FANCI: variants seen among roughly 807,000 people sequenced by gnomAD.
FANCI encodes the protein FA complementation group I, also known as Fanconi anemia group I protein.
FANCI carries 156 observed loss-of-function variants against 176.1 expected under a neutral mutation model. The ratio of observed to expected loss-of-function variants is 0.89; its 90% CI spans 0.78 to 1.01. The LOEUF (loss-of-function observed/expected upper bound fraction) is 1.01. FANCI is among the 50% of genes least tolerant of loss of function. The pLI is 0.00. For synonymous variants in FANCI, 613 were observed against 541.7 expected (o/e 1.13, Z -1.83); for missense variants, 1,678 against 1,534.1 (o/e 1.09, Z -1.57).
intron 4 of FANCI, among the ~76,000 whole-genome samples, chr15:89,261,371 A>G (rs1162209653): frequency 2.0e-5 from 3 of 152,250 alleles, no homozygotes; most frequent in African/African-American, 7.2e-5. Flanking sequence ...CATATCTGAA[A>G]ACATCAGGGA....
chr15:89,307,371 T>C, intron 32 of FANCI, 105 bp from the exon 33 acceptor site: 1 of 1,168,322 alleles, frequency 8.6e-7, no homozygotes, highest in Non-Finnish European at 1.2e-6. Flanking sequence ...AATTTTGTTT[T>C]TCCTCTTCAG....
intron 35 of FANCI, among the ~76,000 whole-genome samples, 173 bp downstream of exon 35, chr15:89,313,145 G>A (rs2055036669): frequency 6.6e-6 from 1 of 151,576 alleles, no homozygotes; most frequent in Non-Finnish European, 1.5e-5. Flanking sequence ...GAGCTAGGTG[G>A]GTTGGAAGAT....
At position 89,313,059 on chromosome 15, in the gene FANCI, G is replaced by A. The variant is rs528982298; in HGVS notation, c.3720+87G>A. The A allele has an allele frequency of 9.1e-5, 112 of 1,232,744 alleles. No individual in the cohort carries two copies. The African/African-American group carries it at 1.3e-3, about 14-fold the overall frequency. The allele number at this position is 1,232,744 out of a possible 1,614,324, so 76.4% of individuals were successfully genotyped here. ...AAGAAGCCAGTGACAAAAAGACCAC[G>A]TGTTGTATGATTCCATTTTCATGAA... On this transcript the variant is annotated intron_variant, in intron 35 of 37. Transcript: ENST00000310775.
chr15:89,286,679 T>G (rs1011258094), intron 18 of FANCI, among the ~76,000 whole-genome samples: 2 of 152,216 alleles, frequency 1.3e-5, no homozygotes, highest in African/African-American at 4.8e-5. Flanking sequence ...AGAGTAGATG[T>G]AGCATAATTC....
Position 89,273,380 on chromosome 15 carries a change from G to C in FANCI, c.886G>C (p.Gly296Arg), listed in dbSNP as rs754986558. The part of the protein sequence containing the change: ...GRELVKHLKV[G>R]QQGDSNNNLS... ...CCTTTTGGTTGCTCTCTTCTAGGTA[G>C]GACAGCAAGGAGATTCCAATAATAA... is the stretch of plus-strand genomic sequence containing the variant. Residue 296 changes from glycine to arginine, a missense_variant, in exon 11 of 38, where the codon GGA becomes CGA. This residue lies in a region of FANCI where 469 missense variants were observed against 436.9 expected (regional missense o/e 1.07). Coordinates refer to ENST00000310775, the MANE Select transcript of FANCI (RefSeq NM_001113378.2). 10 of 1,562,108 alleles carry C rather than the reference G, an allele frequency of 6.4e-6. No individual in the cohort carries two copies. In the South Asian group the frequency reaches 1.1e-4, roughly 18 times the overall value.
chr15:89,251,293 T>C (rs566386107), intron 2 of FANCI, among the ~76,000 whole-genome samples: 1 of 152,142 alleles, frequency 6.6e-6, no homozygotes, highest in African/African-American at 2.4e-5. Flanking sequence ...CCAGTTTCCA[T>C]AGAAGAAAAG....
intron 27 of FANCI, among the ~76,000 whole-genome samples, chr15:89,302,949 G>A (rs2054581162): frequency 1.3e-5 from 2 of 152,096 alleles, no homozygotes; most frequent in Non-Finnish European, 2.9e-5. Context: ...AGAGATTTAT[G>A]GTAAATGGTG....
In FANCI at chr15:89,274,420, G is replaced by A. The variant is rs770087749; in HGVS notation, c.1112+116G>A. The A allele has an allele frequency of 4.2e-5, 48 of 1,133,170 alleles. No individual in the cohort carries two copies. The East Asian group carries it at 4.7e-4, about 11-fold the overall frequency. The allele number at this position is 1,133,170 out of a possible 1,614,324, so 70.2% of individuals were successfully genotyped here. ...AACTGATGACTTAACAGCTGTTGAC[G>A]TCACACATCGAGGTTCATTTTCTTA... On this transcript the variant is annotated intron_variant, in intron 12 of 37. Transcript: ENST00000310775.
intron 34 of FANCI, among the ~76,000 whole-genome samples, chr15:89,312,401 A>G (rs2054999900): frequency 6.6e-6 from 1 of 152,252 alleles, no homozygotes. Context: ...AACAACTAAA[A>G]AAGAAAAAAT....
At chr15:89,273,310 TAAAAAAAAA>T (rs59945953) in intron 10 of FANCI, 58 bp from the exon 11 acceptor site, 2 of 597,630 alleles carry the variant, frequency 3.3e-6, no homozygotes, top group South Asian at 1.8e-5. Context: ...TTTTTTTTTT[TAAAAAAAAA>T]AAAAAAAGAA....
intron 32 of FANCI, among the ~76,000 whole-genome samples, chr15:89,307,077 G>A (rs2054751063): frequency 6.6e-6 from 1 of 152,128 alleles, no homozygotes; most frequent in African/African-American, 2.4e-5. Context: ...AGAAAGATGT[G>A]GACCACCCCG....
chr15:89,279,412 C>G (rs2151521397), intron 14 of FANCI, among the ~76,000 whole-genome samples: 1 of 152,342 alleles, frequency 6.6e-6, no homozygotes, highest in Non-Finnish European at 1.5e-5. Flanking sequence ...CCCACCTTAG[C>G]TTCCCAAAGT....
intron 10 of FANCI, 138 bp from the exon 11 acceptor site, chr15:89,273,239 G>A (rs1184121148): frequency 2.2e-5 from 13 of 604,526 alleles, no homozygotes; most frequent in East Asian, 1.2e-4. Flanking sequence ...GGGAAATCAA[G>A]GCTGCAGTGA....
chr15:89,285,389 T>C (rs2053774739), intron 18 of FANCI, among the ~76,000 whole-genome samples, 171 bp downstream of exon 18: 1 of 152,194 alleles, frequency 6.6e-6, no homozygotes, highest in African/African-American at 2.4e-5. Context: ...GCACAGTGGC[T>C]CACACCTGTA....
At chr15:89,299,742 TGTTA>T (rs1406135735) in intron 24 of FANCI, 54 bp from the exon 25 acceptor site, 1 of 1,569,330 alleles carries the variant, frequency 6.4e-7, no homozygotes, top group Admixed American at 1.7e-5. Flanking sequence ...TTTTACTGTT[TGTTA>T]TTTTATCTCG....
intron 16 of FANCI, 39 bp from the exon 17 acceptor site, chr15:89,283,096 GA>G: frequency 6.2e-7 from 1 of 1,607,342 alleles, no homozygotes; most frequent in Non-Finnish European, 8.5e-7. Context: ...ATATTCCTGT[GA>G]AATAGTACTG....
At chr15:89,257,938 T>G (rs1452620256) in intron 2 of FANCI, among the ~76,000 whole-genome samples, 3 of 152,260 alleles carry the variant, frequency 2.0e-5, no homozygotes, top group African/African-American at 7.2e-5. Context: ...CTTTAGTAAC[T>G]TCCGTTGCAC....
chr15:89,312,751 A>G (rs916770427), intron 34 of FANCI, among the ~76,000 whole-genome samples, 153 bp from the exon 35 acceptor site: 4 of 151,914 alleles, frequency 2.6e-5, no homozygotes, highest in African/African-American at 4.8e-5. Context: ...CTCGGGGCGC[A>G]GAGGTTACAG....
chr15:89,312,798 G>A (rs1428582816), intron 34 of FANCI, 106 bp from the exon 35 acceptor site: 1 of 846,784 alleles, frequency 1.2e-6, no homozygotes, highest in East Asian at 2.7e-5. Flanking sequence ...CAGCCTGGGT[G>A]ACAGCAAAGC....
Sources: gnomAD v4.1 joint callset for allele counts (sites outside exome capture counted in the v4.1 genomes callset) on GRCh38, gnomAD v4.1.1 for gene constraint, gnomAD v4.1.1 regional missense constraint, MANE v1.5 for transcripts, NCBI Gene and HGNC (gene_info 2026-07-23, HGNC 2026-07-21) for gene names.